Variants in KRTAP13-3 observed in about 807,000 individuals in gnomAD.
KRTAP13-3 encodes the protein keratin associated protein 13-3, also known as keratin-associated protein 13-3.
For missense variants in KRTAP13-3, 243 were observed against 202.8 expected, an observed-to-expected ratio of 1.20 and a Z score of -1.20; for synonymous variants, 98 against 79.4, an observed-to-expected ratio of 1.23 and a Z score of -1.25.
chr21:30,425,405 C>T (rs1471386624), exon 1 of KRTAP13-3: 1 of 1,558,568 alleles, frequency 6.4e-7, no homozygotes, highest in Non-Finnish European at 8.7e-7. Context: ...CAGTAGAAAC[C>T]AGATCTACAG....
exon 1 of KRTAP13-3, chr21:30,425,721 G>T (rs1309604045): frequency 1.2e-6 from 2 of 1,614,052 alleles, no homozygotes; most frequent in South Asian, 2.2e-5. Context: ...TCTGACAGCT[G>T]TTGGGCCTCC....
At chr21:30,425,461 T>C (rs772619891) in exon 1 of KRTAP13-3, 2 of 1,608,940 alleles carry the variant, frequency 1.2e-6, no homozygotes, top group East Asian at 4.5e-5. Context: ...AGGTGGAAAA[T>C]AGATTGGATG....
chr21:30,425,542 G>A (rs1984272505), exon 1 of KRTAP13-3: 2 of 1,613,976 alleles, frequency 1.2e-6, no homozygotes, highest in African/African-American at 1.3e-5. Flanking sequence ...GAAGCCATTG[G>A]ATCCACAGCC....
Position 30,425,572 on chromosome 21 carries a change from G to T in KRTAP13-3, c.341C>A (p.Ser114Tyr). ...ACAGCCCAGTGAGGAGCAGCTCCTG[G>T]ATCCACAGCTCAGGGAGCAGCAGCT... The change falls in exon 1 of 1, where the codon TCC (serine) becomes TAC (tyrosine). Residue 114 changes from serine (S) to tyrosine (Y), a missense_variant. Coordinates refer to ENST00000390690, the Ensembl canonical transcript of KRTAP13-3. The T allele has an allele frequency of 6.2e-7, 1 of 1,614,098 alleles. No individual in the cohort carries two copies. Among genetic ancestry groups the T allele is most frequent in the Non-Finnish European group, 8.5e-7 (1 of 1,180,020 alleles).
exon 1 of KRTAP13-3, chr21:30,425,921 G>C: frequency 5.0e-6 from 8 of 1,604,672 alleles, no homozygotes; most frequent in Non-Finnish European, 6.8e-6. Context: ...ATGTTGACGG[G>C]AAGATGTGAG....
exon 1 of KRTAP13-3, chr21:30,425,775 G>A: frequency 1.2e-6 from 2 of 1,614,232 alleles, no homozygotes; most frequent in Non-Finnish European, 1.7e-6. Context: ...AACCCAGCTG[G>A]CAGGTGCTGG....
At chr21:30,425,593 C>A (rs1312260862) in exon 1 of KRTAP13-3, 2 of 1,614,004 alleles carry the variant, frequency 1.2e-6, no homozygotes, top group African/African-American at 2.7e-5. Context: ...CAGGGAGCAG[C>A]AGCTATTGGA....
exon 1 of KRTAP13-3, chr21:30,425,839 G>A: frequency 2.5e-6 from 4 of 1,614,116 alleles, no homozygotes; most frequent in African/African-American, 1.3e-5. Flanking sequence ...AGAGCCACAG[G>A]AGGAGCCTGG....
exon 1 of KRTAP13-3, chr21:30,425,696 A>G (rs752530878): frequency 1.2e-6 from 2 of 1,613,918 alleles, no homozygotes; most frequent in Non-Finnish European, 8.5e-7. Flanking sequence ...CAGGGGCTGG[A>G]CTCAACACAC....
At chr21:30,425,829 A>C (rs201830366) in exon 1 of KRTAP13-3, 378 of 1,614,102 alleles carry the variant, frequency 2.3e-4, no homozygotes, top group Admixed American at 4.0e-4. Flanking sequence ...TGGGGTAGGA[A>C]GAGCCACAGG....
At chr21:30,425,482 G>T in exon 1 of KRTAP13-3, 1 of 1,613,062 alleles carries the variant, frequency 6.2e-7, no homozygotes, top group Non-Finnish European at 8.5e-7. Flanking sequence ...GCAGAATCTG[G>T]ATCTATAACT....
At position 30,425,455 on chromosome 21, in the gene KRTAP13-3, G is replaced by A; in HGVS notation, c.458C>T (p.Pro153Leu). 1 of 1,608,144 alleles carries A rather than the reference G, an allele frequency of 6.2e-7. No individual in the cohort carries two copies. The highest frequency in any genetic ancestry group is 8.5e-7 in the Non-Finnish European group (1 of 1,176,408). The change falls in exon 1 of 1, where the codon CCA becomes CTA. Residue 153 changes from proline (P) to leucine (L), a missense_variant. Physicochemically the swap from Pro to Leu is moderately conservative, Grantham distance 98. Coordinates refer to ENST00000390690, the Ensembl canonical transcript of KRTAP13-3. ...AGATGAATGGAACCACCTTCTAGGT[G>A]GAAAATAGATTGGATGGCAGAATCT...
In KRTAP13-3 at chr21:30,425,850, G is replaced by A. The variant is rs375154203; in HGVS notation, c.63C>T (p.Tyr21=). Residue 21 remains tyrosine (Y), a synonymous_variant, in exon 1 of 1, where the codon TAC becomes TAT. Transcript: ENST00000390690. ...AGGAAGAGCCACAGGAGGAGCCTGG[G>A]TAGTGCAAGTAACCCCCGTGGGAGC... 5 of 1,614,024 alleles carry A rather than the reference G, an allele frequency of 3.1e-6. No individual in the cohort carries two copies. In the African/African-American group the frequency reaches 4.0e-5, roughly 13 times the overall value.
exon 1 of KRTAP13-3, chr21:30,425,751 C>G: frequency 6.8e-6 from 11 of 1,614,052 alleles, no homozygotes; most frequent in Non-Finnish European, 8.5e-6. Flanking sequence ...CCTGACAGCC[C>G]CTATAGAGAG....
exon 1 of KRTAP13-3, chr21:30,425,833 C>T (rs1382215474): frequency 1.2e-6 from 2 of 1,614,012 alleles, no homozygotes; most frequent in African/African-American, 1.3e-5. Flanking sequence ...GTAGGAAGAG[C>T]CACAGGAGGA....
exon 1 of KRTAP13-3, chr21:30,425,703 A>G (rs1490476547): frequency 1.2e-6 from 2 of 1,613,946 alleles, no homozygotes; most frequent in Non-Finnish European, 1.7e-6. Context: ...TGGACTCAAC[A>G]CACAATGTCT....
chr21:30,425,672 A>G, exon 1 of KRTAP13-3: 1 of 1,614,170 alleles, frequency 6.2e-7, no homozygotes, highest in East Asian at 2.2e-5. Flanking sequence ...CTGGGGTAGT[A>G]GCAGGAGGTG....
At chr21:30,425,825 A>G in exon 1 of KRTAP13-3, 1 of 1,614,182 alleles carries the variant, frequency 6.2e-7, no homozygotes, top group Non-Finnish European at 8.5e-7. Context: ...TTGCTGGGGT[A>G]GGAAGAGCCA....
At chr21:30,425,583 C>G in exon 1 of KRTAP13-3, 2 of 1,614,082 alleles carry the variant, frequency 1.2e-6, no homozygotes, top group Non-Finnish European at 1.7e-6. Flanking sequence ...ATCCACAGCT[C>G]AGGGAGCAGC....
Sources: gnomAD v4.1 joint callset for allele counts on GRCh38, gnomAD v4.1.1 for gene constraint, MANE v1.5 for transcripts, NCBI Gene and HGNC (gene_info 2026-07-23, HGNC 2026-07-21) for gene names.